HS3ST2: variants seen among roughly 807,000 people sequenced by gnomAD.
HS3ST2 encodes the protein heparan sulfate glucosamine 3-O-sulfotransferase 2.
HS3ST2 carries 17 observed loss-of-function variants against 26.3 expected under a neutral mutation model. The observed-to-expected ratio is 0.65, with a 90% CI of 0.44 to 0.97. The LOEUF is 0.97. Ranked by LOEUF, HS3ST2 falls within the 50% of genes least tolerant of loss-of-function variation. The probability of loss-of-function intolerance (pLI) is 0.00; values close to 1 mark genes in which losing one functional copy is unlikely to be tolerated. For synonymous variants in HS3ST2, 237 were observed against 219.2 expected (o/e 1.08, Z -0.72); for missense variants, 402 against 501.2 (o/e 0.80, Z 1.89).
chr16:22,837,829 T>C (rs999778277), intron 1 of HS3ST2, among the ~76,000 whole-genome samples: 2 of 151,992 alleles, frequency 1.3e-5, no homozygotes, highest in Non-Finnish European at 2.9e-5. Context: ...TATTTTACTA[T>C]ACTCGTTCTT....
At chr16:22,868,405 C>CAAAAAA (rs77630354) in intron 1 of HS3ST2, among the ~76,000 whole-genome samples, 16 of 43,480 alleles carry the variant, frequency 3.7e-4, no homozygotes, top group East Asian at 2.7e-3. Context: ...AAGACTCCAT[C>CAAAAAA]AAAAAAAAAA....
intron 1 of HS3ST2, among the ~76,000 whole-genome samples, chr16:22,883,871 GA>G (rs1181476426): frequency 1.3e-5 from 2 of 152,114 alleles, no homozygotes; most frequent in African/African-American, 4.8e-5. Flanking sequence ...CTGCCTGAAG[GA>G]AAAGTTGGGG....
At chr16:22,823,227 T>G (rs759539174) in intron 1 of HS3ST2, among the ~76,000 whole-genome samples, 5 of 152,192 alleles carry the variant, frequency 3.3e-5, no homozygotes, top group Admixed American at 2.0e-4. Context: ...GTGACTGGAA[T>G]GTTCTAAGCC....
intron 1 of HS3ST2, among the ~76,000 whole-genome samples, chr16:22,903,952 A>G (rs912649812): frequency 2.6e-5 from 4 of 152,168 alleles, no homozygotes; most frequent in Non-Finnish European, 5.9e-5. Context: ...CTGCCCCTTC[A>G]GCTTTATCAA....
At position 22,851,278 on chromosome 16, in the gene HS3ST2, A is replaced by G. The variant is rs186415740; in HGVS notation, c.485+36183A>G. On this transcript the variant is annotated intron_variant, in intron 1 of 1. Transcript: ENST00000261374. ...GAGGAACTGATGGGGCACATATTAC[A>G]TCATTTATATAAACCACCTGCATTT... Among the ~76,000 whole-genome samples the G allele has an allele frequency of 1.2e-3, 180 of 152,346 alleles. 1 individual carries two copies. Among genetic ancestry groups the G allele is most frequent in the African/African-American group, 4.3e-3 (177 of 41,580 alleles).
intron 1 of HS3ST2, among the ~76,000 whole-genome samples, chr16:22,826,752 A>G (rs1180812742): frequency 6.6e-6 from 1 of 152,192 alleles, no homozygotes; most frequent in Admixed American, 6.5e-5. Flanking sequence ...TAAGCTTGCC[A>G]CACCTGGTTC....
chr16:22,859,317 T>A (rs1901644528), intron 1 of HS3ST2, among the ~76,000 whole-genome samples: 1 of 152,206 alleles, frequency 6.6e-6, no homozygotes, highest in Non-Finnish European at 1.5e-5. Context: ...TACAAGTTAT[T>A]TTTCATATTT....
intron 1 of HS3ST2, among the ~76,000 whole-genome samples, chr16:22,844,278 C>T (rs1277955142): frequency 6.6e-6 from 1 of 152,088 alleles, no homozygotes. Flanking sequence ...ATTCTTGCAT[C>T]ACACTAGACA....
intron 1 of HS3ST2, among the ~76,000 whole-genome samples, chr16:22,883,917 T>A (rs529690430): frequency 3.3e-5 from 5 of 152,260 alleles, no homozygotes; most frequent in African/African-American, 1.2e-4. Context: ...AGATCTAGAC[T>A]TCCCTCACCC....
chr16:22,836,920 A>G (rs917914792), intron 1 of HS3ST2, among the ~76,000 whole-genome samples: 2 of 152,120 alleles, frequency 1.3e-5, no homozygotes, highest in East Asian at 1.9e-4. Flanking sequence ...AGCCTCCCAA[A>G]GTGATGGGTT....
intron 1 of HS3ST2, among the ~76,000 whole-genome samples, chr16:22,867,066 T>C (rs1447613348): frequency 1.3e-5 from 2 of 152,232 alleles, no homozygotes; most frequent in African/African-American, 4.8e-5. Context: ...CATAAGTTTA[T>C]AGTAATTAAA....
At chr16:22,852,171 A>G (rs931129758) in intron 1 of HS3ST2, among the ~76,000 whole-genome samples, 1 of 152,214 alleles carries the variant, frequency 6.6e-6, no homozygotes, top group African/African-American at 2.4e-5. Flanking sequence ...TCTAAACAAT[A>G]CAGTGAGCAG....
At position 22,814,762 on chromosome 16, in the gene HS3ST2, G is replaced by C. The variant is rs1205925697; in HGVS notation, c.152G>C (p.Gly51Ala). The change falls in exon 1 of 2, where the codon GGC becomes GCC. Residue 51 changes from glycine (G) to alanine (A), a missense_variant. By Grantham distance (60) the Gly-to-Ala change is moderately conservative (BLOSUM62 0). Transcript: ENST00000261374. Reference sequence around the variant, plus strand: ...GACCTGGGTCGGAGCCGCCTCCTCGGCGCGCCTCGCTGCCTCCGCGGCCCC... The same window carrying C: ...GACCTGGGTCGGAGCCGCCTCCTCGCCGCGCCTCGCTGCCTCCGCGGCCCC... ...CDDLGRSRLL[G>A]APRCLRGPSA... is the part of the protein sequence containing the mutation. 1 of 1,606,024 alleles carries C rather than the reference G, an allele frequency of 6.2e-7. No individual in the cohort carries two copies. Among genetic ancestry groups the C allele is most frequent in the Non-Finnish European group, 8.5e-7 (1 of 1,177,476 alleles).
At position 22,815,205 on chromosome 16, in the gene HS3ST2, T is replaced by C. The variant is rs1596599352; in HGVS notation, c.485+110T>C. The C allele has an allele frequency of 9.2e-6, 13 of 1,414,142 alleles. No individual in the cohort carries two copies. The East Asian group carries it at 3.0e-4, about 33-fold the overall frequency. 87.6% of individuals were successfully genotyped at this position (1,414,142 alleles called of 1,614,324 possible). A position where few individuals can be genotyped will look rare whatever the true frequency, so the allele number is the denominator to read the frequency against. ...CTTTTAACCCAACTCATTGTATGGGTTCAGGCTGACACACAGGGCCATGGG... is the reference window on the plus strand; with the variant it reads ...CTTTTAACCCAACTCATTGTATGGGCTCAGGCTGACACACAGGGCCATGGG... On this transcript the variant is annotated intron_variant, in intron 1 of 1. Coordinates refer to ENST00000261374, the MANE Select transcript of HS3ST2 (RefSeq NM_006043.2).
chr16:22,861,027 C>A (rs953097376), intron 1 of HS3ST2, among the ~76,000 whole-genome samples: 4 of 151,892 alleles, frequency 2.6e-5, no homozygotes, highest in Non-Finnish European at 5.9e-5. Flanking sequence ...CAAGCACCCA[C>A]CACACCTATA....
rs1180991168 is a variant in HS3ST2 at position 22,915,461 on chromosome 16, G to T, written c.1003G>T (p.Val335Leu). ...GGGCAAATCAAAAGGGAGAACTCATGTACAGATTGATCCTGAAGTGATAGA... is the reference window on the plus strand; with the variant it reads ...GGGCAAATCAAAAGGGAGAACTCATTTACAGATTGATCCTGAAGTGATAGA... ...CLGKSKGRTH[V>L]QIDPEVIDQL... is the part of the protein sequence containing the mutation. The change falls in exon 2 of 2, where the codon GTA becomes TTA. Residue 335 changes from valine (V) to leucine (L), a missense_variant. This residue lies in a region of HS3ST2 where 237 missense variants were observed against 346.6 expected (regional missense o/e 0.68). Coordinates refer to ENST00000261374, the MANE Select transcript of HS3ST2 (RefSeq NM_006043.2). 6.2e-7 allele frequency: 1 copy of T among 1,613,902 alleles called. No homozygotes were observed. Among genetic ancestry groups the T allele is most frequent in the East Asian group, 2.2e-5 (1 of 44,866 alleles).
At chr16:22,867,208 T>C (rs1002034962) in intron 1 of HS3ST2, among the ~76,000 whole-genome samples, 3 of 152,348 alleles carry the variant, frequency 2.0e-5, no homozygotes, top group East Asian at 1.9e-4. Context: ...TTGAGACAAC[T>C]GGCTTGCCAT....
At chr16:22,903,496 T>C (rs1902307269) in intron 1 of HS3ST2, among the ~76,000 whole-genome samples, 1 of 152,218 alleles carries the variant, frequency 6.6e-6, no homozygotes, top group Non-Finnish European at 1.5e-5. Context: ...CCTGTACTCA[T>C]ACCCAGCCAT....
intron 1 of HS3ST2, among the ~76,000 whole-genome samples, chr16:22,825,867 A>G (rs1596604793): frequency 6.6e-6 from 1 of 152,206 alleles, no homozygotes; most frequent in Non-Finnish European, 1.5e-5. Context: ...TACTAAAAAT[A>G]CAAAAATTAG....
Sources: gnomAD v4.1 joint callset for allele counts (sites outside exome capture counted in the v4.1 genomes callset) on GRCh38, gnomAD v4.1.1 for gene constraint, gnomAD v4.1.1 regional missense constraint, MANE v1.5 for transcripts, NCBI Gene and HGNC (gene_info 2026-07-23, HGNC 2026-07-21) for gene names.